The following GRM8 variants were observed in gnomAD, a reference collection of about 807,000 sequenced individuals.
GRM8 encodes glutamate metabotropic receptor 8.
In GRM8, 47 loss-of-function variants were observed where a neutral mutation model predicts 87.2. That is an observed-to-expected ratio of 0.54 (90% CI 0.43 to 0.69). The LOEUF is 0.69. Among genes scored for constraint, GRM8 ranks in the 30% least tolerant of loss-of-function variants. The probability of loss-of-function intolerance (pLI) is 0.00; values close to 1 mark genes in which losing one functional copy is unlikely to be tolerated. For synonymous variants in GRM8, 396 were observed against 404.5 expected (o/e 0.98, Z 0.25); for missense variants, 1,019 against 1,139.2 (o/e 0.89, Z 1.52).
At chr7:126,593,969 A>T (rs1256168370) in intron 8 of GRM8, among the ~76,000 whole-genome samples, 1 of 152,126 alleles carries the variant, frequency 6.6e-6, no homozygotes, top group East Asian at 1.9e-4. Context: ...GAAGACATAC[A>T]AATAGACAAT....
chr7:126,715,035 T>A (rs989290218), intron 7 of GRM8, among the ~76,000 whole-genome samples: 3 of 152,176 alleles, frequency 2.0e-5, no homozygotes, highest in African/African-American at 7.2e-5. Flanking sequence ...ATGGTACATA[T>A]CAAGCAAGCC....
intron 8 of GRM8, among the ~76,000 whole-genome samples, chr7:126,586,485 C>T (rs4580985): frequency 0.31 from 46,660 of 151,650 alleles, 7,983 homozygotes; most frequent in East Asian, 0.43. Context: ...AACAGAGATA[C>T]AGACCAATGG....
At chr7:126,502,452 C>T (rs2150701962) in intron 9 of GRM8, among the ~76,000 whole-genome samples, 1 of 152,124 alleles carries the variant, frequency 6.6e-6, no homozygotes, top group Middle Eastern at 3.4e-3. Flanking sequence ...CCCTCTAATC[C>T]ACAAAAGTGT....
chr7:126,520,448 G>A (rs558273762), intron 9 of GRM8, among the ~76,000 whole-genome samples: 2 of 152,156 alleles, frequency 1.3e-5, no homozygotes, highest in Admixed American at 6.6e-5. Flanking sequence ...TTTTGAACAC[G>A]TAAAAGGGCA....
intron 9 of GRM8, among the ~76,000 whole-genome samples, chr7:126,484,593 C>T (rs1807134229): frequency 1.3e-5 from 2 of 150,388 alleles, no homozygotes. Context: ...TTACTTACTA[C>T]TACTTTTACT....
chr7:126,836,011 T>C (rs531450390), intron 6 of GRM8, among the ~76,000 whole-genome samples: 3 of 152,318 alleles, frequency 2.0e-5, no homozygotes, highest in African/African-American at 7.2e-5. Flanking sequence ...ATCCCATATT[T>C]TTAAAAAATT....
At chr7:126,877,594 TTC>T (rs72204915) in intron 6 of GRM8, among the ~76,000 whole-genome samples, 9,808 of 152,224 alleles carry the variant, frequency 0.064, 963 homozygotes, top group African/African-American at 0.21. Flanking sequence ...GCTCATTCTA[TTC>T]TCTGTCTACC....
chr7:126,782,920 C>A (rs923744643), intron 6 of GRM8, among the ~76,000 whole-genome samples: 20 of 152,264 alleles, frequency 1.3e-4, no homozygotes, highest in African/African-American at 4.6e-4. Context: ...TAAAGCAGGT[C>A]GCAATCTGTC....
chr7:126,908,197 G>GA (rs1802908140), intron 3 of GRM8, among the ~76,000 whole-genome samples: 2 of 152,126 alleles, frequency 1.3e-5, no homozygotes, highest in Non-Finnish European at 2.9e-5. Flanking sequence ...GTGTTGTGGG[G>GA]CAAAGAGGTC....
intron 2 of GRM8, among the ~76,000 whole-genome samples, chr7:127,177,180 G>A (rs565778610): frequency 1.3e-5 from 2 of 152,254 alleles, no homozygotes; most frequent in African/African-American, 4.8e-5. Context: ...GTGGGAGTGA[G>A]ACCTTCAGTT....
chr7:126,766,775 C>T (rs901315915), intron 7 of GRM8, among the ~76,000 whole-genome samples: 1 of 152,122 alleles, frequency 6.6e-6, no homozygotes, highest in African/African-American at 2.4e-5. Context: ...CCTCCTTGCA[C>T]TTTTGGTGTT....
chr7:126,891,530 A>T (rs1801007565), intron 6 of GRM8, among the ~76,000 whole-genome samples: 2 of 151,732 alleles, frequency 1.3e-5, no homozygotes, highest in Non-Finnish European at 2.9e-5. Flanking sequence ...CTCTATCCTT[A>T]CTCTCTTCCT....
chr7:127,016,830 C>T (rs1370499295), intron 3 of GRM8, among the ~76,000 whole-genome samples: 1 of 152,004 alleles, frequency 6.6e-6, no homozygotes, highest in Non-Finnish European at 1.5e-5. Flanking sequence ...TTTTTTAAAA[C>T]TGGTAGTTTT....
chr7:126,835,645 T>C (rs1046306404), intron 6 of GRM8, among the ~76,000 whole-genome samples: 3 of 152,250 alleles, frequency 2.0e-5, no homozygotes, highest in African/African-American at 7.2e-5. Flanking sequence ...TTTCAAAGGT[T>C]AAGATTTATT....
chr7:126,587,846 G>A (rs931558231), intron 8 of GRM8, among the ~76,000 whole-genome samples: 4 of 149,832 alleles, frequency 2.7e-5, no homozygotes, highest in Non-Finnish European at 5.9e-5. Context: ...AAAAAGTAAT[G>A]TGAAGTATGA....
intron 6 of GRM8, among the ~76,000 whole-genome samples, chr7:126,895,474 C>T (rs1029549072): frequency 1.3e-5 from 2 of 152,088 alleles, no homozygotes; most frequent in African/African-American, 4.8e-5. Context: ...TCAAAATCTG[C>T]ATGTTAACAA....
In GRM8 at chr7:126,763,466, TATATATACACACACAC is replaced by T. The variant is rs1305265520; in HGVS notation, c.1357+6383_1357+6398del. On this transcript the variant is annotated intron_variant, in intron 7 of 10. Coordinates refer to ENST00000339582, the MANE Select transcript of GRM8 (RefSeq NM_000845.3). Reference sequence around the variant, plus strand: ...TCATATATATATATATATATATATATATATATACACACACACACACACACACACACAATTGTAGAAT... The same window carrying T: ...TCATATATATATATATATATATATATACACACACACACACAATTGTAGAAT... Among the ~76,000 whole-genome samples, 5 of 82,610 alleles carry T rather than the reference TATATATACACACACAC, an allele frequency of 6.1e-5. No homozygotes were observed. In the East Asian group the frequency reaches 1.2e-3, roughly 20 times the overall value. The allele number at this position is 82,610 out of a possible 152,430, so 54.2% of individuals were successfully genotyped here. A position where few individuals can be genotyped will look rare whatever the true frequency, so the allele number is the denominator to read the frequency against.
intron 7 of GRM8, among the ~76,000 whole-genome samples, chr7:126,717,271 C>G (rs945267510): frequency 6.6e-6 from 1 of 152,102 alleles, no homozygotes; most frequent in African/African-American, 2.4e-5. Flanking sequence ...GCAAATAATT[C>G]TAGAAGGGTG....
At chr7:126,618,872 C>G (rs1220863040) in intron 7 of GRM8, among the ~76,000 whole-genome samples, 1 of 152,112 alleles carries the variant, frequency 6.6e-6, no homozygotes, top group Admixed American at 6.5e-5. Flanking sequence ...AGTCAGGAAA[C>G]AACAGGTGAT....
Sources: gnomAD v4.1 joint callset for allele counts (sites outside exome capture counted in the v4.1 genomes callset) on GRCh38, gnomAD v4.1.1 for gene constraint, MANE v1.5 for transcripts, NCBI Gene and HGNC (gene_info 2026-07-23, HGNC 2026-07-21) for gene names.